Variants in ZNF730 observed in about 807,000 individuals in gnomAD.
ZNF730 encodes the protein putative zinc finger protein 730.
ZNF730 carries 12 observed loss-of-function variants against 12.6 expected under a neutral mutation model. That is an observed-to-expected ratio of 0.95 (90% CI 0.61 to 1.54). The LOEUF (loss-of-function observed/expected upper bound fraction) is 1.54, where lower values mean the gene tolerates loss of function less well. Among genes scored for constraint, ZNF730 ranks in the 40% most tolerant of loss-of-function variants. The pLI, the probability that ZNF730 is intolerant of heterozygous loss-of-function variation, is 0.00. For missense variants in ZNF730, 643 were observed against 583.5 expected, an observed-to-expected ratio of 1.10 and a Z score of -1.05; for synonymous variants, 194 against 195.8, an observed-to-expected ratio of 0.99 and a Z score of 0.08.
At chr19:23,128,882 C>T (rs946043357) in intron 1 of ZNF730, among the ~76,000 whole-genome samples, 3 of 152,164 alleles carry the variant, frequency 2.0e-5, no homozygotes, top group African/African-American at 7.2e-5. Flanking sequence ...AGGCCCAGGG[C>T]TCCCCTGCTC....
chr19:23,119,186 T>G (rs1332373178), intron 1 of ZNF730, among the ~76,000 whole-genome samples: 1 of 152,242 alleles, frequency 6.6e-6, no homozygotes, highest in African/African-American at 2.4e-5. Context: ...TTGTCATAGA[T>G]AACTCATTAT....
intron 1 of ZNF730, among the ~76,000 whole-genome samples, chr19:23,096,402 C>T (rs1481700165): frequency 3.3e-5 from 5 of 152,286 alleles, no homozygotes; most frequent in African/African-American, 9.6e-5. Flanking sequence ...TACATGGGCC[C>T]CCACCCATAG....
intron 1 of ZNF730, among the ~76,000 whole-genome samples, chr19:23,118,285 AAAT>A (rs1432890728): frequency 6.6e-6 from 1 of 152,102 alleles, no homozygotes; most frequent in Non-Finnish European, 1.5e-5. Context: ...TATTGTAAAA[AAAT>A]CTCTGTGCCT....
rs763185986 is a variant in ZNF730 at position 23,145,331 on chromosome 19, A to G, written c.287A>G (p.Gln96Arg). 1.9e-6 allele frequency: 3 copies of G among 1,591,602 alleles called. No homozygotes were observed. The Admixed American group carries it at 5.4e-5, about 28-fold the overall frequency. Residue 96 changes from glutamine to arginine, a missense_variant, in exon 4 of 4, where the codon CAA becomes CGA. Coordinates refer to ENST00000597761, the MANE Select transcript of ZNF730 (RefSeq NM_001277403.2). ...WPEQGIKDYFQEVILRQYKKC... is the reference protein window; with the variant it reads ...WPEQGIKDYFREVILRQYKKC... Reference sequence around the variant, plus strand: ...GAGCAAGGCATAAAAGATTATTTCCAAGAAGTCATACTGAGACAATATAAA... The same window carrying G: ...GAGCAAGGCATAAAAGATTATTTCCGAGAAGTCATACTGAGACAATATAAA...
At chr19:23,132,804 G>A (rs1279137254) in intron 1 of ZNF730, among the ~76,000 whole-genome samples, 2 of 152,168 alleles carry the variant, frequency 1.3e-5, no homozygotes, top group African/African-American at 2.4e-5. Context: ...ATTATTAGGA[G>A]ATACTTGTTC....
intron 1 of ZNF730, among the ~76,000 whole-genome samples, chr19:23,109,479 A>C (rs1049643520): frequency 6.7e-6 from 1 of 150,094 alleles, no homozygotes; most frequent in African/African-American, 2.5e-5. Flanking sequence ...TGAGATGTCG[A>C]CTCACTGCAG....
chr19:23,107,210 G>T (rs1459889602), intron 1 of ZNF730, among the ~76,000 whole-genome samples: 3 of 151,148 alleles, frequency 2.0e-5, no homozygotes, highest in African/African-American at 7.3e-5. Flanking sequence ...TTACAGGTGT[G>T]TACCAACTCA....
chr19:23,135,861 A>T, intron 2 of ZNF730, 87 bp from the exon 3 acceptor site: 1 of 1,253,784 alleles, frequency 8.0e-7, no homozygotes, highest in East Asian at 2.6e-5. Flanking sequence ...TTACTAGAAT[A>T]TTCCATTACA....
At chr19:23,127,288 A>G in intron 1 of ZNF730, 2 of 671,082 alleles carry the variant, frequency 3.0e-6, no homozygotes, top group Non-Finnish European at 5.5e-6. Context: ...AATCTTGATT[A>G]TATTCCAAGA....
Position 23,146,249 on chromosome 19 carries a change from G to T in ZNF730, c.1205G>T (p.Gly402Val). Reference sequence around the variant, plus strand: ...AAATTTTACAAATGTGAAGAATGTGGCAAAGCCTTTAGCCGTATCTCACAC... The same window carrying T: ...AAATTTTACAAATGTGAAGAATGTGTCAAAGCCTTTAGCCGTATCTCACAC... ...VEKFYKCEECGKAFSRISHLT... is the reference protein window; with the variant it reads ...VEKFYKCEECVKAFSRISHLT... The change falls in exon 4 of 4, where the codon GGC (glycine) becomes GTC (valine). Residue 402 changes from glycine to valine, a missense_variant. Physicochemically the swap from Gly to Val is moderately radical, Grantham distance 109 (BLOSUM62 -3). Coordinates refer to ENST00000597761, the MANE Select transcript of ZNF730 (RefSeq NM_001277403.2). 6.2e-7 allele frequency: 1 copy of T among 1,613,328 alleles called. No homozygotes were observed. Among genetic ancestry groups the T allele is most frequent in the Non-Finnish European group, 8.5e-7 (1 of 1,179,624 alleles).
chr19:23,134,419 A>C (rs560954890), intron 2 of ZNF730, among the ~76,000 whole-genome samples: 6,764 of 110,178 alleles, frequency 0.061, 188 homozygotes, highest in Middle Eastern at 0.14. Flanking sequence ...CCAGCCGCCC[A>C]GTCCGGGAGG....
chr19:23,135,537 G>A (rs947988523), intron 2 of ZNF730, among the ~76,000 whole-genome samples: 2 of 151,816 alleles, frequency 1.3e-5, no homozygotes, highest in Non-Finnish European at 2.9e-5. Context: ...TGGAGACAGA[G>A]TCTCATTCTG....
chr19:23,075,290 C>A, exon 1 of ZNF730: 1 of 153,402 alleles, frequency 6.5e-6, no homozygotes, highest in South Asian at 1.8e-4. Flanking sequence ...CACCGACCCC[C>A]GCCCGGCGAC....
intron 1 of ZNF730, among the ~76,000 whole-genome samples, chr19:23,105,021 AT>A (rs1568307024): frequency 6.6e-6 from 1 of 152,132 alleles, no homozygotes; most frequent in Non-Finnish European, 1.5e-5. Context: ...CTATGTAGAG[AT>A]AGTCATTTTT....
intron 1 of ZNF730, among the ~76,000 whole-genome samples, chr19:23,131,220 T>C (rs574625138): frequency 2.2e-4 from 33 of 152,336 alleles, no homozygotes; most frequent in Admixed American, 1.9e-3. Context: ...CTCATCTGTT[T>C]ATGTTTAGTT....
At chr19:23,115,087 C>A (rs967448567), upstream of ZNF730, among the ~76,000 whole-genome samples, 2 of 151,810 alleles carry the variant, frequency 1.3e-5, no homozygotes, top group South Asian at 2.1e-4. Context: ...TCTGCAATTT[C>A]TTGACAGGAT....
chr19:23,090,875 T>C (rs1970147063), intron 1 of ZNF730, among the ~76,000 whole-genome samples: 1 of 151,948 alleles, frequency 6.6e-6, no homozygotes, highest in African/African-American at 2.4e-5. Context: ...CAGGTGCCTG[T>C]AATTTCAGCT....
At chr19:23,099,655 A>G (rs8112737) in intron 1 of ZNF730, among the ~76,000 whole-genome samples, 149,666 of 152,288 alleles carry the variant, frequency 0.98, 73,581 homozygotes, top group Middle Eastern at 1. Flanking sequence ...TCTCATACAC[A>G]AATCCATTCC....
intron 1 of ZNF730, among the ~76,000 whole-genome samples, chr19:23,088,589 G>A (rs545865719): frequency 6.6e-5 from 10 of 151,480 alleles, no homozygotes; most frequent in Non-Finnish European, 1.2e-4. Flanking sequence ...TCAGCCTCCC[G>A]AGTAGCTGGG....
Sources: allele counts gnomAD v4.1 joint callset (sites outside exome capture counted in the v4.1 genomes callset), GRCh38; gene constraint gnomAD v4.1.1; transcripts MANE v1.5; gene names NCBI Gene and HGNC (gene_info 2026-07-23, HGNC 2026-07-21).